Variants in INTS6 observed in about 807,000 individuals in gnomAD.
INTS6 encodes DEAD box protein.
INTS6 carries 16 observed loss-of-function variants against 104.9 expected under a neutral mutation model. The observed-to-expected ratio is 0.15, with a 90% CI of 0.10 to 0.23. The LOEUF (loss-of-function observed/expected upper bound fraction) is 0.23, where lower values mean the gene tolerates loss of function less well. Ranked by LOEUF, INTS6 falls within the 10% of genes least tolerant of loss-of-function variation. The pLI is 1.00. For missense variants in INTS6, 584 were observed against 1,062.8 expected (o/e 0.55, Z 6.26); for synonymous variants, 324 against 358.7 (o/e 0.90, Z 1.09).
rs1163773080 is a variant in INTS6 at position 51,362,589 on chromosome 13, T to TG, written c.*3162dup. The stretch of plus-strand genomic sequence containing the variant: ...AAAGAGATTCTCAGTTAAGAGTTGT[T>TG]GGCAAGTCTAAACAGTGTATTAAAA... On this transcript the variant is annotated 3_prime_UTR_variant, in exon 18 of 18. Transcript: ENST00000311234. The TG allele has an allele frequency of 2.6e-5, 4 of 152,512 alleles. No homozygotes were observed. The highest frequency in any genetic ancestry group is 5.9e-5 in the Non-Finnish European group (4 of 68,052). The allele number at this position is 152,512 out of a possible 1,614,324, so 9.4% of individuals were successfully genotyped here.
the INTS6 span, chr13:51,341,106 G>C: frequency 6.2e-7 from 1 of 1,613,850 alleles, no homozygotes; most frequent in South Asian, 1.1e-5. Flanking sequence ...CGCCTTTCCT[G>C]ATCACCCTCT....
chr13:51,345,074 T>C, the INTS6 span, among the ~76,000 whole-genome samples: 1 of 152,246 alleles, frequency 6.6e-6, no homozygotes, highest in African/African-American at 2.4e-5. Flanking sequence ...ATTAAAATCA[T>C]GAACGTTTAC....
Position 51,362,310 on chromosome 13 carries a change from T to C in INTS6, c.*3442A>G, listed in dbSNP as rs1269529742. On this transcript the variant is annotated 3_prime_UTR_variant, in exon 18 of 18. Transcript: ENST00000311234. Reference sequence around the variant, plus strand: ...CAGAGTAGTCCTCTTGTGATCCTAGTATTCTAATGAATGCACCTGGATTTC... The same window carrying C: ...CAGAGTAGTCCTCTTGTGATCCTAGCATTCTAATGAATGCACCTGGATTTC... The C allele has an allele frequency of 4.3e-6, 1 of 231,496 alleles. No homozygotes were observed. The highest frequency in any genetic ancestry group is 8.2e-6 in the Non-Finnish European group (1 of 121,956). 14.3% of individuals were successfully genotyped at this position (231,496 alleles called of 1,614,324 possible).
chr13:51,435,195 T>C (rs1288354523), intron 3 of INTS6, among the ~76,000 whole-genome samples: 2 of 151,980 alleles, frequency 1.3e-5, no homozygotes, highest in African/African-American at 2.4e-5. Context: ...GACTAAAAGT[T>C]TACTTTTGCT....
intron 3 of INTS6, chr13:51,447,999 G>A (rs145754296): frequency 0.011 from 1,731 of 152,128 alleles, 26 homozygotes; most frequent in East Asian, 0.071. Flanking sequence ...AGGAGGCTGC[G>A]GTGAGCCGAG....
Position 51,452,226 on chromosome 13 carries a change from G to GCCGGAGC in INTS6, c.112-178_112-172dup. 1 of 650,172 alleles carries GCCGGAGC rather than the reference G, an allele frequency of 1.5e-6. No homozygotes were observed. Among genetic ancestry groups the GCCGGAGC allele is most frequent in the Non-Finnish European group, 2.2e-6 (1 of 464,304 alleles). 40.3% of individuals were successfully genotyped at this position (650,172 alleles called of 1,614,324 possible). A position where few individuals can be genotyped will look rare whatever the true frequency, so the allele number is the denominator to read the frequency against. On this transcript the variant is annotated intron_variant, in intron 1 of 17. Transcript: ENST00000311234. This position sits in a 1 kb window ranked among gnomAD's most constrained non-coding sequence, Gnocchi z 4.2. ...GATCGCTCCCCACACACCGCCCGGGGCCGGAGCCCGGGCCCCGGCCGAACC... is the reference window on the plus strand; with the variant it reads ...GATCGCTCCCCACACACCGCCCGGGGCCGGAGCCCGGAGCCCGGGCCCCGGCCGAACC...
intron 4 of INTS6, among the ~76,000 whole-genome samples, chr13:51,418,458 A>G (rs943267511): frequency 2.0e-5 from 3 of 152,128 alleles, no homozygotes; most frequent in Non-Finnish European, 4.4e-5. Context: ...GGTTCTCCTC[A>G]TATCATATTT....
Position 51,369,846 on chromosome 13 carries a change from T to C in INTS6, c.2105-536A>G, listed in dbSNP as rs144750421. 3.1e-3 allele frequency among the ~76,000 whole-genome samples: 476 copies of C among 152,326 alleles called. 3 individuals are homozygous for C. Among genetic ancestry groups the C allele is most frequent in the South Asian group, 0.014 (67 of 4,824 alleles). On this transcript the variant is annotated intron_variant, in intron 15 of 17. Coordinates refer to ENST00000311234, the MANE Select transcript of INTS6 (RefSeq NM_012141.3). The stretch of plus-strand genomic sequence containing the variant: ...CAGTATACCTTCTAACTAGAGAATC[T>C]AGTCATCATTTATTTACCAGTGCAG...
intron 3 of INTS6, among the ~76,000 whole-genome samples, chr13:51,433,349 G>A (rs372558578): frequency 6.6e-6 from 1 of 152,220 alleles, no homozygotes; most frequent in African/African-American, 2.4e-5. Context: ...TCGGGAGGCC[G>A]AAGCAGGAGA....
intron 4 of INTS6, 25 bp downstream of exon 4, chr13:51,430,269 T>C: frequency 6.3e-7 from 1 of 1,584,108 alleles, no homozygotes; most frequent in Non-Finnish European, 8.7e-7. Context: ...ATTTGCATAA[T>C]CCATGTAATA....
At chr13:51,393,266 C>T (rs531458069) in intron 5 of INTS6, among the ~76,000 whole-genome samples, 2 of 152,088 alleles carry the variant, frequency 1.3e-5, no homozygotes, top group Non-Finnish European at 2.9e-5. Context: ...TTAGTAGAGA[C>T]GGGGTTTCAC....
At chr13:51,367,548 A>C (rs1428736472) in intron 17 of INTS6, among the ~76,000 whole-genome samples, 1 of 152,114 alleles carries the variant, frequency 6.6e-6, no homozygotes, top group Non-Finnish European at 1.5e-5. Context: ...GCTACAGAGA[A>C]GAATAACAAG....
chr13:51,449,376 T>C, intron 3 of INTS6: 1 of 732,010 alleles, frequency 1.4e-6, no homozygotes, highest in Non-Finnish European at 1.7e-6. Context: ...AGACAAGAAC[T>C]AAAGTGTTCT....
At chr13:51,422,997 A>G (rs940834041) in intron 4 of INTS6, 24 of 1,121,156 alleles carry the variant, frequency 2.1e-5, no homozygotes, top group Non-Finnish European at 2.7e-5. Context: ...CATGAGATTT[A>G]TCTTAATGTA....
chr13:51,446,187 C>T (rs1288637252), intron 3 of INTS6: 2 of 151,972 alleles, frequency 1.3e-5, no homozygotes, highest in Non-Finnish European at 1.5e-5. Flanking sequence ...GGATTAATAT[C>T]CAGAAAATAT....
At chr13:51,427,813 T>G (rs1957010718) in intron 4 of INTS6, among the ~76,000 whole-genome samples, 2 of 152,180 alleles carry the variant, frequency 1.3e-5, no homozygotes, top group South Asian at 4.1e-4. Context: ...GTCAATACTA[T>G]GCTAGTATTG....
chr13:51,368,406 AC>A (rs963883474), intron 16 of INTS6, among the ~76,000 whole-genome samples: 2 of 152,068 alleles, frequency 1.3e-5, no homozygotes, highest in African/African-American at 4.8e-5. Context: ...TCATTCTACT[AC>A]CCCAGGGCAA....
chr13:51,341,775 A>C, the INTS6 span, among the ~76,000 whole-genome samples: 1 of 152,158 alleles, frequency 6.6e-6, no homozygotes, highest in Non-Finnish European at 1.5e-5. Context: ...GAGGATGATA[A>C]TTTTATTATC....
At chr13:51,389,212 T>C (rs2274929) in intron 6 of INTS6, 107 bp downstream of exon 6, 235,708 of 1,106,434 alleles carry the variant, frequency 0.21, 26,378 homozygotes, top group South Asian at 0.32. Context: ...TCTGTCTTAA[T>C]AATTTGGCCT....
Sources: allele counts gnomAD v4.1 joint callset (sites outside exome capture counted in the v4.1 genomes callset), GRCh38; gene constraint gnomAD v4.1.1; non-coding constraint Gnocchi (gnomAD v3.1); transcripts MANE v1.5; gene names NCBI Gene and HGNC (gene_info 2026-07-23, HGNC 2026-07-21).